COL19A1: variants seen among roughly 807,000 people sequenced by gnomAD.
COL19A1 encodes collagen type XIX alpha 1 chain.
A neutral mutation model predicts 190.2 loss-of-function variants in COL19A1; 159 were observed. The ratio of observed to expected loss-of-function variants is 0.84; its 90% CI spans 0.73 to 0.95. The LOEUF is 0.95. Among genes scored for constraint, COL19A1 ranks in the 40% least tolerant of loss-of-function variants. The pLI is 0.00. For missense variants in COL19A1, 1,418 were observed against 1,431.9 expected (o/e 0.99, Z 0.16); for synonymous variants, 509 against 458.9 (o/e 1.11, Z -1.39).
chr6:70,137,617 G>C, intron 18 of COL19A1, 68 bp from the exon 19 acceptor site: 1 of 1,405,652 alleles, frequency 7.1e-7, no homozygotes, highest in Non-Finnish European at 1.0e-6. Flanking sequence ...CAATCATTCT[G>C]TATCTGACAG....
chr6:70,163,256 A>C (rs1277720868), intron 35 of COL19A1, 87 bp from the exon 36 acceptor site: 2 of 1,200,802 alleles, frequency 1.7e-6, no homozygotes, highest in Non-Finnish European at 2.4e-6. Context: ...TGACCTTCAA[A>C]ATGTGTAAGT....
At chr6:69,978,137 A>G (rs1294723179) in intron 11 of COL19A1, among the ~76,000 whole-genome samples, 2 of 152,088 alleles carry the variant, frequency 1.3e-5, no homozygotes, top group Non-Finnish European at 2.9e-5. Flanking sequence ...AAGAGGAGTA[A>G]GAAATTTCAG....
At chr6:70,089,389 A>G (rs941313658) in intron 15 of COL19A1, among the ~76,000 whole-genome samples, 18 of 152,104 alleles carry the variant, frequency 1.2e-4, no homozygotes, top group African/African-American at 4.3e-4. Context: ...CTTTGATTCT[A>G]TATTTTAAAA....
chr6:70,046,262 A>G (rs776633725), intron 14 of COL19A1, among the ~76,000 whole-genome samples: 6 of 152,144 alleles, frequency 3.9e-5, no homozygotes, highest in Admixed American at 1.3e-4. Flanking sequence ...TCAGTAGCCA[A>G]TTAATGGTCT....
chr6:69,959,909 A>G, intron 9 of COL19A1, 87 bp from the exon 10 acceptor site: 1 of 1,201,348 alleles, frequency 8.3e-7, no homozygotes, highest in Non-Finnish European at 1.2e-6. Flanking sequence ...TCCCCACAAC[A>G]CTAGAGCTAT....
intron 16 of COL19A1, among the ~76,000 whole-genome samples, chr6:70,107,900 A>G (rs982844362): frequency 1.3e-5 from 2 of 152,116 alleles, no homozygotes; most frequent in Non-Finnish European, 2.9e-5. Context: ...CTAAGTCTCA[A>G]CTGTCCTTCC....
chr6:70,087,003 TA>T (rs1033025884), intron 15 of COL19A1, among the ~76,000 whole-genome samples: 58 of 147,554 alleles, frequency 3.9e-4, no homozygotes, highest in African/African-American at 1.3e-3. Flanking sequence ...TGTTTTTTTT[TA>T]AATAAAGTTT....
At chr6:70,106,330 G>T (rs9454972) in intron 16 of COL19A1, among the ~76,000 whole-genome samples, 4 of 29,812 alleles carry the variant, frequency 1.3e-4, no homozygotes, top group Admixed American at 4.3e-4. Context: ...AAGTGTGTGC[G>T]TGTGTGTGTG....
chr6:69,916,218 G>T (rs1053615429), intron 4 of COL19A1, among the ~76,000 whole-genome samples: 1 of 152,086 alleles, frequency 6.6e-6, no homozygotes, highest in African/African-American at 2.4e-5. Context: ...TTACAGGCGG[G>T]AGCCACCGCG....
intron 14 of COL19A1, among the ~76,000 whole-genome samples, chr6:70,062,375 A>C (rs1780890338): frequency 6.6e-6 from 1 of 152,140 alleles, no homozygotes; most frequent in Non-Finnish European, 1.5e-5. Flanking sequence ...GAAATTAAGC[A>C]TGTATGACAT....
At chr6:70,036,575 T>C (rs558163275) in intron 14 of COL19A1, among the ~76,000 whole-genome samples, 2 of 152,306 alleles carry the variant, frequency 1.3e-5, no homozygotes, top group East Asian at 3.9e-4. Context: ...AGATACAATT[T>C]ACTATTACAG....
rs892461267 is a variant in COL19A1 at position 70,149,839 on chromosome 6, C to T, written c.1930-12C>T. On this transcript the variant is annotated splice_polypyrimidine_tract_variant and intron_variant, in intron 28 of 50. Coordinates refer to ENST00000620364, the MANE Select transcript of COL19A1 (RefSeq NM_001858.6). Reference sequence around the variant, plus strand: ...CTCATAAGTAACTGTTTTTATTTCCCTCCTTTTCCAGGGTCCTCGAGGTCT... The same window carrying T: ...CTCATAAGTAACTGTTTTTATTTCCTTCCTTTTCCAGGGTCCTCGAGGTCT... 14 of 1,613,636 alleles carry T rather than the reference C, an allele frequency of 8.7e-6. No homozygotes were observed. The East Asian group carries it at 1.1e-4, about 13-fold the overall frequency.
chr6:69,930,400 A>G (rs1426963407), intron 6 of COL19A1, among the ~76,000 whole-genome samples: 5 of 152,166 alleles, frequency 3.3e-5, no homozygotes, highest in Non-Finnish European at 5.9e-5. Context: ...TTAGTTTATT[A>G]TGTATAAACA....
intron 40 of COL19A1, 134 bp downstream of exon 40, chr6:70,168,815 C>A: frequency 2.4e-6 from 2 of 828,900 alleles, no homozygotes; most frequent in Non-Finnish European, 3.9e-6. Context: ...AAGCAGGCCA[C>A]AATATAAATG....
intron 15 of COL19A1, among the ~76,000 whole-genome samples, chr6:70,083,065 G>T (rs1782367419): frequency 6.6e-6 from 1 of 152,194 alleles, no homozygotes; most frequent in Non-Finnish European, 1.5e-5. Flanking sequence ...GGGCCTGGGG[G>T]TTGGGGACCC....
At chr6:70,008,968 T>C (rs187164000) in intron 11 of COL19A1, among the ~76,000 whole-genome samples, 114 of 152,106 alleles carry the variant, frequency 7.5e-4, no homozygotes, top group African/African-American at 2.7e-3. Context: ...CAAAATTCAA[T>C]ACCCATTCAA....
intron 14 of COL19A1, among the ~76,000 whole-genome samples, chr6:70,038,964 G>A (rs115992162): frequency 0.019 from 2,849 of 152,176 alleles, 71 homozygotes; most frequent in African/African-American, 0.064. Context: ...GGCTGAGTCA[G>A]GGGAATTGCT....
intron 4 of COL19A1, among the ~76,000 whole-genome samples, chr6:69,920,906 AT>A (rs1771660400): frequency 7.8e-6 from 1 of 129,022 alleles, no homozygotes; most frequent in Admixed American, 8.3e-5. Flanking sequence ...ATATATATAT[AT>A]TCATCTATAT....
rs116475085 is a variant in COL19A1 at position 69,964,175 on chromosome 6, T to C, written c.1026+1305T>C. Among the ~76,000 whole-genome samples the C allele has an allele frequency of 3.5e-3, 527 of 152,268 alleles. 3 individuals are homozygous for C. Among genetic ancestry groups the C allele is most frequent in the African/African-American group, 0.012 (508 of 41,570 alleles). ...TAAGTATTTATAGAGAGAATGAGCA[T>C]CTATTATAATTATAAGACAAAGTAC... On this transcript the variant is annotated intron_variant, in intron 11 of 50. Coordinates refer to ENST00000620364, the MANE Select transcript of COL19A1 (RefSeq NM_001858.6).
Sources: gnomAD v4.1 joint callset for allele counts (sites outside exome capture counted in the v4.1 genomes callset) on GRCh38, gnomAD v4.1.1 for gene constraint, MANE v1.5 for transcripts, NCBI Gene and HGNC (gene_info 2026-07-23, HGNC 2026-07-21) for gene names.